Variants in RAB6A observed in about 807,000 individuals in gnomAD.
The protein encoded by RAB6A is ras-related protein Rab-6A.
RAB6A carries 8 observed loss-of-function variants against 32.3 expected under a neutral mutation model. The ratio of observed to expected loss-of-function variants is 0.25; its 90% CI spans 0.15 to 0.45. The LOEUF is 0.45. Among genes scored for constraint, RAB6A ranks in the 20% least tolerant of loss-of-function variants. RAB6A has a pLI of 1.00. For missense variants in RAB6A, 104 were observed against 249.4 expected (o/e 0.42, Z 3.93); for synonymous variants, 73 against 82.1 (o/e 0.89, Z 0.60).
chr11:73,680,426 G>T (rs2134860559), intron 6 of RAB6A, among the ~76,000 whole-genome samples: 1 of 152,342 alleles, frequency 6.6e-6, no homozygotes, highest in East Asian at 1.9e-4. Flanking sequence ...GGAGGCCAAG[G>T]GGTGTGGATC....
At chr11:73,697,885 T>C (rs893365141) in intron 6 of RAB6A, among the ~76,000 whole-genome samples, 2 of 152,256 alleles carry the variant, frequency 1.3e-5, no homozygotes, top group African/African-American at 4.8e-5. Context: ...TCAGTTCATA[T>C]TCATTATACA....
intron 5 of RAB6A, among the ~76,000 whole-genome samples, chr11:73,714,932 T>C (rs2134939013): frequency 6.6e-6 from 1 of 152,128 alleles, no homozygotes; most frequent in South Asian, 2.1e-4. Flanking sequence ...CACCACTGCA[T>C]TCCAGCCTGG....
chr11:73,732,021 G>T (rs1186393220), intron 1 of RAB6A, among the ~76,000 whole-genome samples: 1 of 151,462 alleles, frequency 6.6e-6, no homozygotes, highest in East Asian at 2.0e-4. Context: ...TTATAGGCGT[G>T]CACCACTGTG....
intron 2 of RAB6A, among the ~76,000 whole-genome samples, chr11:73,727,796 C>T (rs542061080): frequency 6.6e-6 from 1 of 152,278 alleles, no homozygotes; most frequent in African/African-American, 2.4e-5. Flanking sequence ...ATAATCAAGA[C>T]AGCAGCAGTT....
At chr11:73,700,170 G>C (rs531485422) in intron 6 of RAB6A, among the ~76,000 whole-genome samples, 2 of 152,236 alleles carry the variant, frequency 1.3e-5, no homozygotes, top group African/African-American at 4.8e-5. Context: ...CACACTTATT[G>C]CTTCACTAAA....
At chr11:73,728,610 A>AAACAATAATAATAATAAT (rs1555063851) in intron 2 of RAB6A, among the ~76,000 whole-genome samples, 1 of 136,484 alleles carries the variant, frequency 7.3e-6, no homozygotes, top group Admixed American at 7.7e-5. Flanking sequence ...GTCTTTGTTT[A>AAACAATAATAATAATAAT]AATAATAATA....
intron 2 of RAB6A, among the ~76,000 whole-genome samples, chr11:73,723,583 C>T (rs1315917055): frequency 1.3e-5 from 2 of 152,156 alleles, no homozygotes; most frequent in East Asian, 3.9e-4. Context: ...CCCACCTCGG[C>T]CTCCCAAAGT....
Position 73,690,717 on chromosome 11 carries a change from A to C in RAB6A, c.496-10997T>G, listed in dbSNP as rs375304719. ...CATCTTAAAAAAAAAAAAAAAAAAA[A>C]CCCAAACAAATCAGCAAACGGAATT... On this transcript the variant is annotated intron_variant, in intron 6 of 7. Transcript: ENST00000336083. Among the ~76,000 whole-genome samples the C allele has an allele frequency of 3.8e-4, 51 of 133,312 alleles. 1 individual carries two copies. Among genetic ancestry groups the C allele is most frequent in the Middle Eastern group, 8.2e-3 (2 of 244 alleles). 87.5% of individuals were successfully genotyped at this position (133,312 alleles called of 152,430 possible). A position where few individuals can be genotyped will look rare whatever the true frequency, so the allele number is the denominator to read the frequency against.
chr11:73,734,473 G>A (rs1303715279), intron 1 of RAB6A, among the ~76,000 whole-genome samples: 2 of 152,084 alleles, frequency 1.3e-5, no homozygotes, highest in Non-Finnish European at 1.5e-5. Context: ...AACCCAAATT[G>A]GAGATAAATC....
chr11:73,722,655 G>A (rs1458896467), intron 2 of RAB6A: 1 of 151,606 alleles, frequency 6.6e-6, no homozygotes, highest in African/African-American at 2.4e-5. Context: ...ATCTTTATAT[G>A]AAAAATCAAT....
chr11:73,713,964 G>T (rs914272019), intron 5 of RAB6A, among the ~76,000 whole-genome samples: 1 of 152,090 alleles, frequency 6.6e-6, no homozygotes, highest in East Asian at 1.9e-4. Flanking sequence ...GCCGAGGCGG[G>T]TGGATCACCT....
chr11:73,682,894 G>A (rs1945382416), intron 6 of RAB6A, among the ~76,000 whole-genome samples: 1 of 152,088 alleles, frequency 6.6e-6, no homozygotes, highest in African/African-American at 2.4e-5. Flanking sequence ...TTTTTTATGA[G>A]CATTAAACAA....
chr11:73,684,162 ATTG>A (rs1565344660), intron 6 of RAB6A, among the ~76,000 whole-genome samples: 2 of 89,788 alleles, frequency 2.2e-5, no homozygotes, highest in African/African-American at 4.0e-5. Context: ...AGATACATAC[ATTG>A]TTGTTTTTTT....
chr11:73,724,484 G>GTTTTTTTTT (rs34665371), intron 2 of RAB6A, among the ~76,000 whole-genome samples: 4 of 123,364 alleles, frequency 3.2e-5, no homozygotes, highest in African/African-American at 1.2e-4. Flanking sequence ...AATGCATTTC[G>GTTTTTTTTT]TTTTTTTTTT....
chr11:73,686,801 T>TTA (rs753765398), intron 6 of RAB6A, among the ~76,000 whole-genome samples: 2 of 152,234 alleles, frequency 1.3e-5, no homozygotes, highest in South Asian at 4.1e-4. Flanking sequence ...CCTATTTTCA[T>TTA]TATATATATA....
intron 4 of RAB6A, among the ~76,000 whole-genome samples, chr11:73,716,644 C>T (rs1946058532): frequency 6.6e-6 from 1 of 150,922 alleles, no homozygotes; most frequent in East Asian, 2.0e-4. Context: ...GAAAAAAAAA[C>T]AACTTTTTGA....
chr11:73,739,282 A>ATATATATATAT (rs1289309364), intron 1 of RAB6A, among the ~76,000 whole-genome samples: 8 of 15,338 alleles, frequency 5.2e-4, no homozygotes, highest in African/African-American at 9.7e-4. Flanking sequence ...AAAAAAAAAA[A>ATATATATATAT]AAATATATAT....
At chr11:73,719,959 A>G (rs1946110220) in intron 3 of RAB6A, among the ~76,000 whole-genome samples, 1 of 151,662 alleles carries the variant, frequency 6.6e-6, no homozygotes, top group Non-Finnish European at 1.5e-5. Flanking sequence ...TCAAAACATA[A>G]AAGAGAATAT....
intron 7 of RAB6A, among the ~76,000 whole-genome samples, chr11:73,678,850 T>C (rs1945310305): frequency 6.6e-6 from 1 of 151,108 alleles, no homozygotes; most frequent in South Asian, 2.1e-4. Context: ...CTCAACCTCC[T>C]TAGTAGCTGG....
Sources: allele counts gnomAD v4.1 joint callset (sites outside exome capture counted in the v4.1 genomes callset), GRCh38; gene constraint gnomAD v4.1.1; transcripts MANE v1.5; gene names NCBI Gene and HGNC (gene_info 2026-07-23, HGNC 2026-07-21).